Variants in NF1 observed in about 807,000 individuals in gnomAD.
The protein encoded by NF1 is neurofibromin 1, also known as neurofibromin.
A neutral mutation model predicts 325.7 loss-of-function variants in NF1; 122 were observed. The ratio of observed to expected loss-of-function variants is 0.37; its 90% CI spans 0.32 to 0.44. The LOEUF is 0.44. NF1 is among the 20% of genes least tolerant of loss of function. The pLI is 1.00. For missense variants in NF1, 2,140 were observed against 3,415.4 expected (o/e 0.63, Z 9.31); for synonymous variants, 1,091 against 1,186.0 (o/e 0.92, Z 1.65).
At chr17:31,345,375 C>T in intron 48 of NF1, 2 of 1,189,412 alleles carry the variant, frequency 1.7e-6, no homozygotes, top group Non-Finnish European at 2.3e-6. Context: ...AAAAGTCTCT[C>T]CTTCCCCCTG....
rs778166945 is a variant in NF1 at position 31,258,322 on chromosome 17, A to G, written c.4174-22A>G. 1.3e-5 allele frequency: 21 copies of G among 1,613,540 alleles called. No homozygotes were observed. The highest frequency in any genetic ancestry group is 4.5e-5 in the East Asian group (2 of 44,802). ...TATATTAATTCAAACCTTATACTCA[A>G]TTCTCAACTCCTTGTTTTTAGGTGG... On this transcript the variant is annotated intron_variant, in intron 31 of 57. Transcript: ENST00000358273.
chr17:31,375,937 A>G lies in NF1; in HGVS notation c.*1782A>G, dbSNP rs529534240. ...CCTTAGTATTATTAATGAGTTTACC[A>G]TAGAATTGTTGGAAATACTGAAGAC... On this transcript the variant is annotated 3_prime_UTR_variant, in exon 58 of 58. Transcript: ENST00000358273. The G allele has an allele frequency of 8.6e-6, 2 of 232,984 alleles. No homozygotes were observed. Among genetic ancestry groups the G allele is most frequent in the Non-Finnish European group, 8.5e-6 (1 of 117,698 alleles). 14.4% of individuals were successfully genotyped at this position (232,984 alleles called of 1,614,324 possible). A position where few individuals can be genotyped will look rare whatever the true frequency, so the allele number is the denominator to read the frequency against.
intron 1 of NF1, among the ~76,000 whole-genome samples, chr17:31,125,970 C>G (rs914128443): frequency 6.6e-6 from 1 of 152,072 alleles, no homozygotes; most frequent in Non-Finnish European, 1.5e-5. Context: ...GGTGCAGTGG[C>G]TTACACCTGT....
At chr17:31,330,708 T>G (rs977143839) in intron 39 of NF1, 5 of 573,600 alleles carry the variant, frequency 8.7e-6, no homozygotes. Flanking sequence ...AAAATTCTGA[T>G]AATAAAAGCA....
intron 29 of NF1, among the ~76,000 whole-genome samples, chr17:31,237,300 G>A (rs1051697073): frequency 1.3e-5 from 2 of 151,730 alleles, no homozygotes; most frequent in African/African-American, 2.4e-5. Flanking sequence ...TTTGAAATGG[G>A]GTCTCACTCT....
chr17:31,236,668 C>T (rs2067209833), intron 29 of NF1, among the ~76,000 whole-genome samples: 1 of 149,088 alleles, frequency 6.7e-6, no homozygotes, highest in Non-Finnish European at 1.5e-5. Context: ...CCAGGCTGGT[C>T]TCAAACTCCT....
intron 4 of NF1, among the ~76,000 whole-genome samples, chr17:31,165,837 G>T (rs1311767498): frequency 6.6e-6 from 1 of 151,816 alleles, no homozygotes; most frequent in African/African-American, 2.4e-5. Flanking sequence ...CTACAGGCAC[G>T]TGCCACCATG....
At chr17:31,196,883 T>C (rs1658366222) in intron 8 of NF1, among the ~76,000 whole-genome samples, 2 of 152,230 alleles carry the variant, frequency 1.3e-5, no homozygotes, top group African/African-American at 4.8e-5. Context: ...ATTCCATTGG[T>C]CTGTATGACT....
chr17:31,265,015 A>G (rs2067760405), intron 35 of NF1, among the ~76,000 whole-genome samples: 1 of 152,230 alleles, frequency 6.6e-6, no homozygotes, highest in African/African-American at 2.4e-5. Flanking sequence ...CTTGCCCAGT[A>G]GTTCTCTTAG....
chr17:31,342,593 A>G (rs748812923), intron 47 of NF1, among the ~76,000 whole-genome samples: 64 of 152,198 alleles, frequency 4.2e-4, no homozygotes, highest in Non-Finnish European at 8.4e-4. Context: ...ATCTCAAAAA[A>G]AGAATATTTG....
chr17:31,356,680 T>G, intron 52 of NF1, 98 bp downstream of exon 52: 2 of 1,522,454 alleles, frequency 1.3e-6, no homozygotes, highest in Non-Finnish European at 1.8e-6. Context: ...ATCTTTAGAG[T>G]GAAATATAGA....
rs909986931 is a variant in NF1, at chr17:31,178,707, C to T, written c.587-2715C>T. Reference sequence around the variant, plus strand: ...TGGAAAGCAAAAAAAAGTAGGGTTGCAATCCTAGTCTCTGATAAAACAGAC... The same window carrying T: ...TGGAAAGCAAAAAAAAGTAGGGTTGTAATCCTAGTCTCTGATAAAACAGAC... On this transcript the variant is annotated intron_variant, in intron 5 of 57. Coordinates refer to ENST00000358273, the MANE Select transcript of NF1 (RefSeq NM_001042492.3). Among the ~76,000 whole-genome samples the T allele has an allele frequency of 2.6e-5, 4 of 152,198 alleles. No homozygotes were observed. In the South Asian group the frequency reaches 8.3e-4, roughly 32 times the overall value.
chr17:31,331,939 A>AAAAAAAT (rs2069506002), intron 39 of NF1: 2 of 139,698 alleles, frequency 1.4e-5, no homozygotes, highest in Non-Finnish European at 3.1e-5. Flanking sequence ...AAAAAAAAAA[A>AAAAAAAT]GTTGTATATA....
intron 36 of NF1, among the ~76,000 whole-genome samples, chr17:31,288,806 G>A (rs906150172): frequency 6.6e-6 from 1 of 152,102 alleles, no homozygotes; most frequent in Admixed American, 6.5e-5. Flanking sequence ...TGAGGTTACA[G>A]GTGTGAGCCA....
intron 1 of NF1, among the ~76,000 whole-genome samples, chr17:31,147,777 C>T (rs1567810741): frequency 2.0e-5 from 3 of 152,184 alleles, no homozygotes; most frequent in African/African-American, 2.4e-5. Context: ...TTTGTCCTCT[C>T]GAAGCTGCAA....
At chr17:31,245,645 G>T (rs906462168) in intron 29 of NF1, among the ~76,000 whole-genome samples, 6 of 152,182 alleles carry the variant, frequency 3.9e-5, no homozygotes, top group Admixed American at 2.6e-4. Context: ...TGAACAGCCA[G>T]ATGGAAAAGA....
chr17:31,234,458 G>A (rs2067165908), intron 27 of NF1, among the ~76,000 whole-genome samples: 1 of 151,984 alleles, frequency 6.6e-6, no homozygotes, highest in Non-Finnish European at 1.5e-5. Context: ...AGGATCACAA[G>A]GTCGGGAGAT....
intron 3 of NF1, 107 bp from the exon 4 acceptor site, chr17:31,163,079 A>G (rs1038627862): frequency 2.1e-6 from 2 of 961,854 alleles, no homozygotes; most frequent in Non-Finnish European, 3.2e-6. Flanking sequence ...GTGTGTATGT[A>G]AGGTGTTCAT....
chr17:31,266,383 G>A (rs949436311), intron 36 of NF1, among the ~76,000 whole-genome samples: 4 of 152,140 alleles, frequency 2.6e-5, no homozygotes, highest in African/African-American at 7.2e-5. Context: ...AAGGACTGGA[G>A]TATTAGGGAA....
Sources: gnomAD v4.1 joint callset for allele counts (sites outside exome capture counted in the v4.1 genomes callset) on GRCh38, gnomAD v4.1.1 for gene constraint, MANE v1.5 for transcripts, NCBI Gene and HGNC (gene_info 2026-07-23, HGNC 2026-07-21) for gene names.